NUP210: variants seen among roughly 807,000 people sequenced by gnomAD.
NUP210 encodes the protein nucleoporin 210, also known as nuclear pore membrane glycoprotein 210.
Under a neutral mutation model 196.0 loss-of-function variants are expected in NUP210, and 151 were observed. That is an observed-to-expected ratio of 0.77 (90% CI 0.67 to 0.88). The LOEUF is 0.88. Among genes scored for constraint, NUP210 ranks in the 40% least tolerant of loss-of-function variants. NUP210 has a pLI of 0.00. For synonymous variants in NUP210, 1,070 were observed against 1,052.7 expected, an observed-to-expected ratio of 1.02 and a Z score of -0.32; for missense variants, 2,314 against 2,493.7, an observed-to-expected ratio of 0.93 and a Z score of 1.53.
chr3:13,351,051 C>A (rs142611372), intron 20 of NUP210, among the ~76,000 whole-genome samples: 1 of 152,086 alleles, frequency 6.6e-6, no homozygotes, highest in Non-Finnish European at 1.5e-5. Flanking sequence ...TCACTAGAAG[C>A]GCACAAGAGT....
chr3:13,392,579 G>T (rs1328261042), intron 3 of NUP210, among the ~76,000 whole-genome samples: 1 of 152,238 alleles, frequency 6.6e-6, no homozygotes, highest in Non-Finnish European at 1.5e-5. Flanking sequence ...CTGCAAGACA[G>T]GAGTCCTCTA....
intron 6 of NUP210, among the ~76,000 whole-genome samples, chr3:13,383,257 C>G (rs1699160734): frequency 6.6e-6 from 1 of 152,222 alleles, no homozygotes; most frequent in African/African-American, 2.4e-5. Context: ...AAACATCCAT[C>G]TGGAATCTAC....
Position 13,376,287 on chromosome 3 carries a change from T to A in NUP210, c.1293+4A>T, listed in dbSNP as rs111993138. The A allele has an allele frequency of 4.8e-4, 781 of 1,613,266 alleles. 3 individuals carry two copies. In the African/African-American group the frequency reaches 7.7e-3, roughly 16 times the overall value. ...GGCACGACGCAGGGGAGACACCAAC[T>A]TGCCTGGTCCACCACAGAGGTGAGG... On this transcript the variant is annotated splice_donor_region_variant and intron_variant, in intron 10 of 39. Transcript: ENST00000254508.
chr3:13,324,915 A>C (rs1051813981), intron 33 of NUP210, among the ~76,000 whole-genome samples: 1 of 152,158 alleles, frequency 6.6e-6, no homozygotes, highest in Non-Finnish European at 1.5e-5. Context: ...AAATCCTCAC[A>C]ACGCTATCAT....
chr3:13,364,910 G>A (rs1320257634), intron 14 of NUP210, among the ~76,000 whole-genome samples: 1 of 152,144 alleles, frequency 6.6e-6, no homozygotes, highest in African/African-American at 2.4e-5. Context: ...CTGAGAGGAA[G>A]AAAAAAATGG....
Position 13,325,815 on chromosome 3 carries a change from G to A in NUP210, c.4624C>T (p.His1542Tyr), listed in dbSNP as rs777859897. Residue 1542 changes from histidine to tyrosine, a missense_variant, in exon 33 of 40, where the codon CAC (histidine) becomes TAC (tyrosine). Coordinates refer to ENST00000254508, the MANE Select transcript of NUP210 (RefSeq NM_024923.4). ...CCCACCTCCTTGTAGGTCCTCAGGT[G>A]CCCAGCGACCTCATAGTAAACCGTC... ...SVTVYYEVAG[H>Y]LRTYKEVVVS... 114 of 1,613,732 alleles carry A rather than the reference G, an allele frequency of 7.1e-5. No homozygotes were observed. In the Middle Eastern group the frequency reaches 3.3e-3, roughly 47 times the overall value.
intron 14 of NUP210, among the ~76,000 whole-genome samples, chr3:13,363,883 C>A (rs1378722237): frequency 6.6e-6 from 1 of 152,180 alleles, no homozygotes; most frequent in Non-Finnish European, 1.5e-5. Context: ...GCCAAACACC[C>A]TGATAATCCA....
rs1299847844 is a variant in NUP210 at position 13,340,488 on chromosome 3, C to T, written c.3229-190G>A. On this transcript the variant is annotated intron_variant, in intron 23 of 39. Coordinates refer to ENST00000254508, the MANE Select transcript of NUP210 (RefSeq NM_024923.4). The surrounding 1 kb of genome is among the most constrained non-coding windows in gnomAD (Gnocchi z 4.0). ...TGTCTCCCAGCCACTGGCCGAGGCT[C>T]CCTGGTTCTCTGGGGTGTGTTCTTC... Among the ~76,000 whole-genome samples, 3 of 152,268 alleles carry T rather than the reference C, an allele frequency of 2.0e-5. 1 individual carries two copies. The highest frequency in any genetic ancestry group is 4.1e-4 in the South Asian group (2 of 4,826).
chr3:13,407,523 T>C (rs1700039556), intron 1 of NUP210, among the ~76,000 whole-genome samples: 1 of 152,142 alleles, frequency 6.6e-6, no homozygotes, highest in African/African-American at 2.4e-5. Flanking sequence ...GGAAAGAGCC[T>C]GAACCACCTG....
At chr3:13,333,805 T>A (rs1419469119) in intron 28 of NUP210, among the ~76,000 whole-genome samples, 1 of 152,198 alleles carries the variant, frequency 6.6e-6, no homozygotes, top group Non-Finnish European at 1.5e-5. Flanking sequence ...TATTTTTTTT[T>A]AAACCATGCA....
intron 3 of NUP210, among the ~76,000 whole-genome samples, chr3:13,396,472 G>C (rs1203311855): frequency 1.3e-5 from 2 of 151,714 alleles, no homozygotes; most frequent in East Asian, 3.9e-4. Context: ...TACTGGCCAG[G>C]TGCGGTGGCT....
chr3:13,410,732 A>G (rs887297696), intron 1 of NUP210, among the ~76,000 whole-genome samples: 3 of 150,500 alleles, frequency 2.0e-5, no homozygotes, highest in African/African-American at 7.4e-5. Flanking sequence ...CCCGGCTAAC[A>G]TGGTGAAACC....
chr3:13,386,876 C>T lies in NUP210; in HGVS notation c.685-469G>A, dbSNP rs567976634. ...GACCCCTTCCCCTGCCCGCCTTTCA[C>T]CCCCGACCTGTGACCTCCTGCCTCC... On this transcript the variant is annotated intron_variant, in intron 5 of 39. Transcript: ENST00000254508. Among the ~76,000 whole-genome samples, 17 of 152,308 alleles carry T rather than the reference C, an allele frequency of 1.1e-4. 1 individual carries two copies. In the South Asian group the frequency reaches 3.3e-3, roughly 30 times the overall value.
chr3:13,327,906 A>G (rs1696836266), intron 31 of NUP210, among the ~76,000 whole-genome samples: 3 of 152,214 alleles, frequency 2.0e-5, no homozygotes, highest in African/African-American at 7.2e-5. Context: ...TAAGCATTAC[A>G]TGAGGTCAGC....
rs78342041 is a variant in NUP210 at position 13,319,063 on chromosome 3, G to C, written c.5563+9C>G. The stretch of plus-strand genomic sequence containing the variant: ...TCTGCCTGGTTGTGCCTGCAGGGGG[G>C]CTACTCACAGTGGGGGCTGTGTCCA... On this transcript the variant is annotated intron_variant, in intron 39 of 39. Transcript: ENST00000254508. The C allele has an allele frequency of 0.023, 36,549 of 1,595,658 alleles. 562 individuals are homozygous for C. Among genetic ancestry groups the C allele is most frequent in the South Asian group, 0.053 (4,645 of 87,494 alleles).
chr3:13,410,674 T>G (rs527810512), intron 1 of NUP210, among the ~76,000 whole-genome samples: 50 of 150,830 alleles, frequency 3.3e-4, no homozygotes, highest in African/African-American at 1.2e-3. Flanking sequence ...TCCCAGCACT[T>G]TGGGAGGCCG....
Position 13,377,554 on chromosome 3 carries a change from C to G in NUP210, c.1054G>C (p.Val352Leu). The change falls in exon 9 of 40, where the codon GTT (valine) becomes CTT (leucine). Residue 352 changes from valine to leucine, a missense_variant. Physicochemically the swap from Val to Leu is conservative, Grantham distance 32. Coordinates refer to ENST00000254508, the MANE Select transcript of NUP210 (RefSeq NM_024923.4). Reference protein sequence around the residue: ...VVEPGYLGFTVHPGDRWVLET... With the variant: ...VVEPGYLGFTLHPGDRWVLET... ...AGCACCCACCTGTCACCAGGGTGAA[C>G]AGTGAACCCTAAAACAGGCAGAGGG... 6.2e-7 allele frequency: 1 copy of G among 1,613,140 alleles called. No homozygotes were observed. Among genetic ancestry groups the G allele is most frequent in the Non-Finnish European group, 8.5e-7 (1 of 1,179,330 alleles).
At chr3:13,390,168 G>A (rs529784846) in intron 4 of NUP210, among the ~76,000 whole-genome samples, 23 of 152,260 alleles carry the variant, frequency 1.5e-4, no homozygotes, top group East Asian at 3.9e-4. Context: ...CATGGTGGCC[G>A]TGCAGGACAA....
chr3:13,411,548 T>A (rs1483605731), intron 1 of NUP210, among the ~76,000 whole-genome samples: 1 of 151,976 alleles, frequency 6.6e-6, no homozygotes, highest in Admixed American at 6.6e-5. Flanking sequence ...CCTCTGTCCA[T>A]CCCCCCTGTC....
Sources: allele counts gnomAD v4.1 joint callset (sites outside exome capture counted in the v4.1 genomes callset), GRCh38; gene constraint gnomAD v4.1.1; non-coding constraint Gnocchi (gnomAD v3.1); transcripts MANE v1.5; gene names NCBI Gene and HGNC (gene_info 2026-07-23, HGNC 2026-07-21).